The following UACA variants were observed in gnomAD, a reference collection of about 807,000 sequenced individuals.
UACA encodes nuclear membrane binding protein.
Under a neutral mutation model 160.5 loss-of-function variants are expected in UACA, and 112 were observed. The observed-to-expected ratio is 0.70, with a 90% CI of 0.60 to 0.82. UACA has a LOEUF of 0.82. Among genes scored for constraint, UACA ranks in the 40% least tolerant of loss-of-function variants. The pLI is 0.00. For synonymous variants in UACA, 557 were observed against 568.4 expected (o/e 0.98, Z 0.29); for missense variants, 1,574 against 1,614.6 (o/e 0.97, Z 0.43).
chr15:70,686,566 T>G (rs1282212325), intron 7 of UACA, among the ~76,000 whole-genome samples: 1 of 150,504 alleles, frequency 6.6e-6, no homozygotes, highest in Non-Finnish European at 1.5e-5. Context: ...TATGTATACA[T>G]GCATCATGCT....
At chr15:70,719,683 A>G (rs1898932012) in intron 1 of UACA, among the ~76,000 whole-genome samples, 1 of 152,202 alleles carries the variant, frequency 6.6e-6, no homozygotes, top group African/African-American at 2.4e-5. Context: ...TTCAACCCTT[A>G]TAACACTCCC....
intron 1 of UACA, among the ~76,000 whole-genome samples, chr15:70,735,221 G>A (rs1899329040): frequency 6.8e-6 from 1 of 147,470 alleles, no homozygotes; most frequent in Non-Finnish European, 1.5e-5. Context: ...GGGGGGAAGG[G>A]CTGAAAAACT....
chr15:70,658,512 C>G (rs1896563450), intron 18 of UACA, among the ~76,000 whole-genome samples: 1 of 152,160 alleles, frequency 6.6e-6, no homozygotes. Flanking sequence ...TGTAATATTG[C>G]CAGTCCCACA....
Position 70,705,035 on chromosome 15 carries a change from A to C in UACA, c.79-5375T>G, listed in dbSNP as rs371213393. 5.3e-5 allele frequency among the ~76,000 whole-genome samples: 8 copies of C among 152,274 alleles called. No individual in the cohort carries two copies. In the East Asian group the frequency reaches 5.8e-4, roughly 11 times the overall value. Reference sequence around the variant, plus strand: ...CACTCAGCAGTGTATGAGTGGTTGAAGTATGTGACTGCTGGGATTGGCCAA... The same window carrying C: ...CACTCAGCAGTGTATGAGTGGTTGACGTATGTGACTGCTGGGATTGGCCAA... On this transcript the variant is annotated intron_variant, in intron 1 of 18. Transcript: ENST00000322954.
intron 1 of UACA, among the ~76,000 whole-genome samples, chr15:70,753,022 C>T (rs2030184930): frequency 6.6e-6 from 1 of 152,118 alleles, no homozygotes; most frequent in Non-Finnish European, 1.5e-5. Flanking sequence ...AAATTAAATA[C>T]ATGAAACAAA....
chr15:70,662,134 T>G (rs1896729735), intron 17 of UACA, among the ~76,000 whole-genome samples: 1 of 152,128 alleles, frequency 6.6e-6, no homozygotes, highest in Non-Finnish European at 1.5e-5. Context: ...CCCAAAATCT[T>G]CTTAAGCTGA....
chr15:70,706,531 A>C (rs1223769599), intron 1 of UACA, among the ~76,000 whole-genome samples: 1 of 151,806 alleles, frequency 6.6e-6, no homozygotes, highest in Non-Finnish European at 1.5e-5. Flanking sequence ...AAAAAAAAAA[A>C]AAAAAACTCT....
At chr15:70,716,955 C>CTT (rs1334454369) in intron 1 of UACA, among the ~76,000 whole-genome samples, 1 of 152,142 alleles carries the variant, frequency 6.6e-6, no homozygotes, top group East Asian at 1.9e-4. Context: ...GGCACAGTGG[C>CTT]TTATGCTTGT....
intron 9 of UACA, among the ~76,000 whole-genome samples, chr15:70,682,370 T>C (rs1897540457): frequency 6.6e-6 from 1 of 152,212 alleles, no homozygotes; most frequent in Non-Finnish European, 1.5e-5. Context: ...CTGGAAGAAT[T>C]TTCCCATAAC....
At chr15:70,703,808 C>T (rs1232939318) in intron 1 of UACA, among the ~76,000 whole-genome samples, 1 of 152,158 alleles carries the variant, frequency 6.6e-6, no homozygotes, top group Non-Finnish European at 1.5e-5. Context: ...CACCTTCCTT[C>T]ATAGCTATTT....
At chr15:70,765,752 T>C (rs1047461871), upstream of UACA, among the ~76,000 whole-genome samples, 7 of 152,234 alleles carry the variant, frequency 4.6e-5, no homozygotes, top group Non-Finnish European at 7.3e-5. Flanking sequence ...TTCCCCCTAT[T>C]GTGAACACAG....
intron 1 of UACA, among the ~76,000 whole-genome samples, chr15:70,739,398 A>T (rs577167248): frequency 2.8e-4 from 43 of 152,252 alleles, no homozygotes; most frequent in African/African-American, 9.6e-4. Context: ...ACATCTCCAG[A>T]CATTGCCAAA....
chr15:70,720,821 C>T (rs369852176), intron 1 of UACA, among the ~76,000 whole-genome samples: 5 of 152,316 alleles, frequency 3.3e-5, no homozygotes, highest in Admixed American at 6.5e-5. Context: ...CTCACTGACT[C>T]TGCACCTGAC....
chr15:70,698,623 T>C (rs1898218033), intron 2 of UACA, among the ~76,000 whole-genome samples: 1 of 152,210 alleles, frequency 6.6e-6, no homozygotes, highest in Non-Finnish European at 1.5e-5. Flanking sequence ...GTGACCCACA[T>C]CACACATTAA....
intron 1 of UACA, among the ~76,000 whole-genome samples, chr15:70,708,110 T>C (rs1045481447): frequency 6.6e-6 from 1 of 152,212 alleles, no homozygotes; most frequent in Non-Finnish European, 1.5e-5. Context: ...AAGGAAATCC[T>C]GTCACATGCT....
the UACA span, among the ~76,000 whole-genome samples, chr15:70,774,747 T>G: frequency 2.6e-5 from 4 of 152,096 alleles, no homozygotes; most frequent in Non-Finnish European, 5.9e-5. Flanking sequence ...ATACCTATAA[T>G]GATTCACTAT....
At chr15:70,659,122 C>A (rs1017807954) in intron 18 of UACA, among the ~76,000 whole-genome samples, 1 of 152,094 alleles carries the variant, frequency 6.6e-6, no homozygotes, top group Non-Finnish European at 1.5e-5. Flanking sequence ...CCTCAATAAT[C>A]TTCTCTAATA....
intron 15 of UACA, among the ~76,000 whole-genome samples, chr15:70,670,259 G>C (rs1897091096): frequency 6.6e-6 from 1 of 152,122 alleles, no homozygotes; most frequent in Non-Finnish European, 1.5e-5. Context: ...CTAGAGAGCA[G>C]GTGCACAACC....
chr15:70,762,909 C>A (rs1184316435), intron 1 of UACA, among the ~76,000 whole-genome samples: 1 of 152,180 alleles, frequency 6.6e-6, no homozygotes, highest in African/African-American at 2.4e-5. Flanking sequence ...TGGTGCGAGC[C>A]CCGGCCCCGG....
Sources: allele counts gnomAD v4.1 joint callset (sites outside exome capture counted in the v4.1 genomes callset), GRCh38; gene constraint gnomAD v4.1.1; transcripts MANE v1.5; gene names NCBI Gene and HGNC (gene_info 2026-07-23, HGNC 2026-07-21).